ANKRD11: variants seen among roughly 807,000 people sequenced by gnomAD.
ANKRD11 encodes the protein ankyrin repeat domain-containing protein 11.
Under a neutral mutation model 195.7 loss-of-function variants are expected in ANKRD11, and 17 were observed. That is an observed-to-expected ratio of 0.09 (90% confidence interval 0.06 to 0.13). ANKRD11 has a LOEUF of 0.13. Ranked by LOEUF, ANKRD11 falls within the 10% of genes least tolerant of loss-of-function variation. The probability of loss-of-function intolerance (pLI) is 1.00; values close to 1 mark genes in which losing one functional copy is unlikely to be tolerated. For synonymous variants in ANKRD11, 1,953 were observed against 1,528.1 expected (o/e 1.28, Z -6.49); for missense variants, 3,735 against 3,566.1 (o/e 1.05, Z -1.21).
At chr16:89,295,505 A>G (rs1013317881) in intron 4 of ANKRD11, among the ~76,000 whole-genome samples, 33 of 152,122 alleles carry the variant, frequency 2.2e-4, no homozygotes, top group Non-Finnish European at 3.7e-4. Flanking sequence ...TCTCCTCCTC[A>G]GCACAGAGCT....
chr16:89,330,080 T>TAATAATGTTTAAAATGATTTA (rs1164928317), intron 2 of ANKRD11, among the ~76,000 whole-genome samples: 1 of 152,184 alleles, frequency 6.6e-6, no homozygotes, highest in Non-Finnish European at 1.5e-5. Flanking sequence ...ATAAACATTT[T>TAATAATGTTTAAAATGATTTA]AATAATGTTT....
At chr16:89,418,832 T>A (rs1217568723) in intron 1 of ANKRD11, among the ~76,000 whole-genome samples, 1 of 151,484 alleles carries the variant, frequency 6.6e-6, no homozygotes, top group Admixed American at 6.6e-5. Context: ...TGGCGTGATC[T>A]CAGCTCACTG....
At chr16:89,313,600 AT>A in intron 3 of ANKRD11, 1 of 1,288,698 alleles carries the variant, frequency 7.8e-7, no homozygotes, top group South Asian at 1.2e-5. Flanking sequence ...CTAAAAATAT[AT>A]TGTTTTTGAT....
In ANKRD11 at chr16:89,330,682, C is replaced by T. The variant is rs371849555; in HGVS notation, c.-59-13604G>A. Among the ~76,000 whole-genome samples the T allele has an allele frequency of 9.8e-4, 20 of 20,338 alleles. 1 individual carries two copies. Among genetic ancestry groups the T allele is most frequent in the African/African-American group, 3.2e-3 (19 of 5,982 alleles). The allele number at this position is 20,338 out of a possible 152,430, so 13.3% of individuals were successfully genotyped here. ...TGGGGGGGGGGGGGGGGGGCGGGGG[C>T]GGAGGAAGCTGCAGCATCTCTTGTA... On this transcript the variant is annotated intron_variant, in intron 2 of 12. Transcript: ENST00000301030.
In ANKRD11 at chr16:89,290,694, G is replaced by C. The variant is rs1286864966; in HGVS notation, c.532C>G (p.Arg178Gly). 6.2e-7 allele frequency: 1 copy of C among 1,614,082 alleles called. No homozygotes were observed. The highest frequency in any genetic ancestry group is 8.5e-7 in the Non-Finnish European group (1 of 1,180,028). The change falls in exon 6 of 13, where the codon CGC becomes GGC. Residue 178 changes from arginine to glycine, a missense_variant. By Grantham distance (125) the Arg-to-Gly change is moderately radical. Transcript: ENST00000301030. ...TCTTTGATGCGCCGGGCGTCCCCGC[G>C]GATGGCGGCTCGGTGCAGGCGGGTC... is the stretch of plus-strand genomic sequence containing the variant. ...GETRLHRAAI[R>G]GDARRIKELI...
In ANKRD11 at chr16:89,282,565, G is replaced by C; in HGVS notation, c.3977C>G (p.Thr1326Arg). The C allele has an allele frequency of 6.2e-7, 1 of 1,614,028 alleles. No homozygotes were observed. The highest frequency in any genetic ancestry group is 8.5e-7 in the Non-Finnish European group (1 of 1,179,952). ...CGGCTTGTCGTCTCCAGGTGGCTCC[G>C]TGAAAGAGACCTCCAGGAAGGCAGT... ...GLTAFLEVSFTEPPGDDKPRE... is the reference protein window; with the variant it reads ...GLTAFLEVSFREPPGDDKPRE... Residue 1326 changes from threonine to arginine, a missense_variant, in exon 9 of 13, where the codon ACG (threonine) becomes AGG (arginine). Coordinates refer to ENST00000301030, the MANE Select transcript of ANKRD11 (RefSeq NM_013275.6).
intron 1 of ANKRD11, among the ~76,000 whole-genome samples, chr16:89,472,186 G>A (rs1597513906): frequency 6.6e-6 from 1 of 152,116 alleles, no homozygotes; most frequent in South Asian, 2.1e-4. Flanking sequence ...TGTCAACACT[G>A]CCCAATAAAC....
At chr16:89,377,704 G>C (rs1333691674) in intron 2 of ANKRD11, among the ~76,000 whole-genome samples, 1 of 152,070 alleles carries the variant, frequency 6.6e-6, no homozygotes, top group Non-Finnish European at 1.5e-5. Context: ...TTAACTTCTT[G>C]TACAACACAC....
chr16:89,387,739 G>A (rs1274525423), intron 2 of ANKRD11, among the ~76,000 whole-genome samples: 1 of 147,930 alleles, frequency 6.8e-6, no homozygotes. Context: ...ACGGTAGCTT[G>A]CGCCTGTAAT....
In ANKRD11 at chr16:89,317,665, C is replaced by T. The variant is rs542687689; in HGVS notation, c.-59-587G>A. On this transcript the variant is annotated intron_variant, in intron 2 of 12. Coordinates refer to ENST00000301030, the MANE Select transcript of ANKRD11 (RefSeq NM_013275.6). Reference sequence around the variant, plus strand: ...CAGCAGCTCCGAGGTCCCAACTCCACGCCCATGGAAGCAGACGCCCCCTCG... The same window carrying T: ...CAGCAGCTCCGAGGTCCCAACTCCATGCCCATGGAAGCAGACGCCCCCTCG... Among the ~76,000 whole-genome samples the T allele has an allele frequency of 4.6e-5, 7 of 152,334 alleles. No individual in the cohort carries two copies. In the Middle Eastern group the frequency reaches 0.017, roughly 370 times the overall value.
At chr16:89,384,897 T>G (rs1243562731) in intron 2 of ANKRD11, among the ~76,000 whole-genome samples, 1 of 130,384 alleles carries the variant, frequency 7.7e-6, no homozygotes, top group African/African-American at 2.9e-5. Flanking sequence ...TTTTTTTTTT[T>G]TTTTTTTTTT....
intron 1 of ANKRD11, among the ~76,000 whole-genome samples, chr16:89,477,363 T>C (rs1348841846): frequency 6.6e-6 from 1 of 151,914 alleles, no homozygotes; most frequent in Non-Finnish European, 1.5e-5. Flanking sequence ...TAATTTCTTT[T>C]TTTTCTCTCT....
intron 4 of ANKRD11, chr16:89,300,462 G>A (rs997414745): frequency 3.0e-5 from 6 of 197,806 alleles, no homozygotes; most frequent in Non-Finnish European, 6.2e-5. Context: ...CCGCCTGCGA[G>A]CACAGCCTGG....
At chr16:89,368,879 G>T (rs1257440266) in intron 2 of ANKRD11, among the ~76,000 whole-genome samples, 1 of 152,144 alleles carries the variant, frequency 6.6e-6, no homozygotes, top group African/African-American at 2.4e-5. Context: ...AAATCTAGGG[G>T]AGGAGAAAGA....
intron 2 of ANKRD11, among the ~76,000 whole-genome samples, chr16:89,388,121 C>A (rs2041006036): frequency 6.6e-6 from 1 of 152,026 alleles, no homozygotes. Context: ...CCTTACCCAG[C>A]TTCCCTAATG....
intron 2 of ANKRD11, among the ~76,000 whole-genome samples, chr16:89,335,365 GT>G (rs1567664970): frequency 6.6e-6 from 1 of 152,188 alleles, no homozygotes; most frequent in African/African-American, 2.4e-5. Flanking sequence ...CGAGGCATCC[GT>G]GAGTCCCACA....
intron 11 of ANKRD11, chr16:89,271,332 G>A (rs558452366): frequency 4.4e-5 from 13 of 293,402 alleles, no homozygotes; most frequent in South Asian, 1.2e-4. Flanking sequence ...CCACCTCCAG[G>A]GTTCAAGCGA....
intron 11 of ANKRD11, among the ~76,000 whole-genome samples, chr16:89,273,420 G>C (rs535583381): frequency 2.6e-5 from 4 of 152,174 alleles, no homozygotes; most frequent in Non-Finnish European, 4.4e-5. Context: ...AAAATCTGTC[G>C]GCTGGGTGCG....
intron 6 of ANKRD11, 199 bp from the exon 7 acceptor site, chr16:89,288,869 C>T (rs2034835885): frequency 5.8e-6 from 4 of 693,132 alleles, no homozygotes; most frequent in South Asian, 1.7e-5. Context: ...ACCTCGTTAG[C>T]ACGATCCATA....
Sources: allele counts gnomAD v4.1 joint callset (sites outside exome capture counted in the v4.1 genomes callset), GRCh38; gene constraint gnomAD v4.1.1; transcripts MANE v1.5; gene names NCBI Gene and HGNC (gene_info 2026-07-23, HGNC 2026-07-21).